The following TRPC7 variants were observed in gnomAD, a reference collection of about 807,000 sequenced individuals.
TRPC7 encodes the protein transient receptor potential cation channel subfamily C member 7.
In TRPC7, 42 loss-of-function variants were observed where a neutral mutation model predicts 90.1. That is an observed-to-expected ratio of 0.47 (90% CI 0.36 to 0.60). TRPC7 has a LOEUF of 0.60. TRPC7 is among the 20% of genes least tolerant of loss of function. TRPC7 has a pLI of 0.00. For missense variants in TRPC7, 955 were observed against 1,112.3 expected (o/e 0.86, Z 2.01); for synonymous variants, 451 against 436.3 (o/e 1.03, Z -0.42).
chr5:136,240,464 G>A (rs1756125825), intron 7 of TRPC7, among the ~76,000 whole-genome samples: 1 of 152,218 alleles, frequency 6.6e-6, no homozygotes. Flanking sequence ...TTTGTCAAAT[G>A]AGGGAGCTCA....
chr5:136,313,886 A>T (rs560447809), intron 3 of TRPC7, among the ~76,000 whole-genome samples: 27 of 152,226 alleles, frequency 1.8e-4, no homozygotes, highest in African/African-American at 6.3e-4. Context: ...GGAGGGCTTC[A>T]TTTCTTCCTT....
At chr5:136,364,239 A>G (rs2149866709) in intron 1 of TRPC7, among the ~76,000 whole-genome samples, 1 of 152,338 alleles carries the variant, frequency 6.6e-6, no homozygotes, top group East Asian at 1.9e-4. Flanking sequence ...TTCTGGGTTA[A>G]TTACTGCCTA....
intron 3 of TRPC7, among the ~76,000 whole-genome samples, chr5:136,290,032 G>C (rs1402320149): frequency 2.0e-5 from 3 of 152,152 alleles, no homozygotes; most frequent in African/African-American, 7.2e-5. Flanking sequence ...AGGCAAACAG[G>C]GTCTGGAGTG....
rs1022700048 is a variant in TRPC7, at chr5:136,315,650, G to T, written c.910C>A (p.His304Asn). 3.1e-6 allele frequency: 5 copies of T among 1,613,860 alleles called. No homozygotes were observed. Among genetic ancestry groups the T allele is most frequent in the Non-Finnish European group, 4.2e-6 (5 of 1,179,850 alleles). ...DVNFQVWSDH[H>N]RPSLSRIKLA... is the part of the protein sequence containing the mutation. ...TTGATCCGGCTCAGACTTGGACGGT[G>T]GTGGTCGGACCAGACTTGGAAGTTC... The change falls in exon 3 of 12, where the codon CAC (histidine) becomes AAC (asparagine). Residue 304 changes from histidine to asparagine, a missense_variant. His to Asn is a moderately conservative substitution (Grantham distance 68). Around this residue, in one of 4 missense-constraint regions of TRPC7, gnomAD observed 484 missense variants for 509.6 expected, o/e 0.95. Transcript: ENST00000513104.
chr5:136,330,124 A>T (rs1759457230), intron 2 of TRPC7, among the ~76,000 whole-genome samples: 1 of 152,176 alleles, frequency 6.6e-6, no homozygotes, highest in East Asian at 1.9e-4. Flanking sequence ...TGGCTCACAT[A>T]CATGGAAGCA....
chr5:136,222,539 A>G (rs77455489), intron 10 of TRPC7, among the ~76,000 whole-genome samples: 2,398 of 152,300 alleles, frequency 0.016, 52 homozygotes, highest in African/African-American at 0.047. Context: ...GGCCACTGGT[A>G]GGCCCAAGGA....
intron 5 of TRPC7, among the ~76,000 whole-genome samples, chr5:136,257,944 C>T (rs1043067603): frequency 6.6e-6 from 1 of 152,200 alleles, no homozygotes; most frequent in African/African-American, 2.4e-5. Context: ...ATTCAGGAAG[C>T]CCTGGGTTCA....
chr5:136,226,276 C>A (rs1755628113), intron 8 of TRPC7, 21 bp from the exon 9 acceptor site: 1 of 1,536,290 alleles, frequency 6.5e-7, no homozygotes. Flanking sequence ...AGGGAAACAA[C>A]AACACACCCT....
At chr5:136,284,676 G>T (rs1280655353) in intron 3 of TRPC7, among the ~76,000 whole-genome samples, 5 of 152,202 alleles carry the variant, frequency 3.3e-5, no homozygotes, top group African/African-American at 1.2e-4. Flanking sequence ...TTGACCAGGG[G>T]TGTCATGGAA....
intron 3 of TRPC7, among the ~76,000 whole-genome samples, chr5:136,285,032 A>T (rs781731275): frequency 3.3e-5 from 5 of 152,236 alleles, no homozygotes; most frequent in Non-Finnish European, 7.3e-5. Context: ...TAAAGGGCAC[A>T]GATTAAGAAC....
At chr5:136,341,981 C>T (rs1759860005) in intron 2 of TRPC7, among the ~76,000 whole-genome samples, 1 of 152,180 alleles carries the variant, frequency 6.6e-6, no homozygotes, top group South Asian at 2.1e-4. Context: ...AATTCCAGCT[C>T]CCTCTTGTTG....
intron 3 of TRPC7, among the ~76,000 whole-genome samples, chr5:136,312,469 T>G (rs955255125): frequency 1.3e-5 from 2 of 152,056 alleles, no homozygotes; most frequent in African/African-American, 4.8e-5. Flanking sequence ...CTCATATCAG[T>G]TCATTTGGAA....
chr5:136,278,073 A>G (rs1757423870), intron 3 of TRPC7, among the ~76,000 whole-genome samples: 1 of 152,208 alleles, frequency 6.6e-6, no homozygotes, highest in African/African-American at 2.4e-5. Flanking sequence ...GAGGGACTGG[A>G]GAGGAGTTGG....
At chr5:136,288,406 G>GT (rs1757805975) in intron 3 of TRPC7, among the ~76,000 whole-genome samples, 1 of 119,676 alleles carries the variant, frequency 8.4e-6, no homozygotes, top group African/African-American at 2.9e-5. Flanking sequence ...TAGAAGTAGA[G>GT]ATTTTTTTTT....
chr5:136,265,752 A>G (rs1757003709), intron 5 of TRPC7, among the ~76,000 whole-genome samples: 1 of 152,150 alleles, frequency 6.6e-6, no homozygotes, highest in Non-Finnish European at 1.5e-5. Context: ...TAACAAGAAA[A>G]TGTTACTCCC....
Position 136,232,687 on chromosome 5 carries a change from G to A in TRPC7, c.1845-1138C>T, listed in dbSNP as rs192563395. ...TATGAATAAGACCCAAGTGCATTTC[G>A]TAGTCCATACTCTATGGGCATGACA... is the stretch of plus-strand genomic sequence containing the variant. On this transcript the variant is annotated intron_variant, in intron 7 of 11. Coordinates refer to ENST00000513104, the MANE Select transcript of TRPC7 (RefSeq NM_020389.3). 2.6e-4 allele frequency among the ~76,000 whole-genome samples: 39 copies of A among 152,284 alleles called. No homozygotes were observed. The East Asian group carries it at 7.3e-3, about 29-fold the overall frequency.
chr5:136,265,669 G>A (rs1277896018), intron 5 of TRPC7, among the ~76,000 whole-genome samples: 1 of 152,040 alleles, frequency 6.6e-6, no homozygotes, highest in African/African-American at 2.4e-5. Flanking sequence ...CAGCTCCAGT[G>A]GCAGACTGTG....
At chr5:136,213,643 T>C in intron 11 of TRPC7, 39 bp from the exon 12 acceptor site, 1 of 1,609,274 alleles carries the variant, frequency 6.2e-7, no homozygotes, top group South Asian at 1.1e-5. Flanking sequence ...TCTGAGTAGG[T>C]GGAAGCTCGG....
intron 2 of TRPC7, among the ~76,000 whole-genome samples, chr5:136,317,863 C>T (rs529547958): frequency 6.6e-6 from 1 of 152,286 alleles, no homozygotes; most frequent in East Asian, 1.9e-4. Context: ...GCTGTATTGC[C>T]CAGAGCTTCC....
Sources: gnomAD v4.1 joint callset for allele counts (sites outside exome capture counted in the v4.1 genomes callset) on GRCh38, gnomAD v4.1.1 for gene constraint, gnomAD v4.1.1 regional missense constraint, MANE v1.5 for transcripts, NCBI Gene and HGNC (gene_info 2026-07-23, HGNC 2026-07-21) for gene names.